The following UMAD1 variants were observed in gnomAD, a reference collection of about 807,000 sequenced individuals.
The protein encoded by UMAD1 is UBAP1-MVB12-associated (UMA)-domain containing protein 1.
UMAD1 carries 8 observed loss-of-function variants against 6.1 expected under a neutral mutation model. The observed-to-expected ratio is 1.30, with a 90% CI of 0.76 to 2.35. The LOEUF (loss-of-function observed/expected upper bound fraction) is 2.35. UMAD1 is among the 30% of genes most tolerant of loss of function. UMAD1 has a pLI of 0.00. For synonymous variants in UMAD1, 56 were observed against 31.4 expected (o/e 1.78, Z -2.61); for missense variants, 130 against 78.4 (o/e 1.66, Z -2.49).
At chr7:7,785,383 T>A (rs1782441071) in intron 2 of UMAD1, among the ~76,000 whole-genome samples, 1 of 152,112 alleles carries the variant, frequency 6.6e-6, no homozygotes, top group African/African-American at 2.4e-5. Context: ...GATTTGAGGA[T>A]CTGAAAGTTG....
At chr7:7,732,834 A>T (rs573408331) in intron 2 of UMAD1, among the ~76,000 whole-genome samples, 7 of 152,232 alleles carry the variant, frequency 4.6e-5, no homozygotes, top group African/African-American at 1.2e-4. Flanking sequence ...TGAATGTGTT[A>T]TATGGAAAAA....
At chr7:7,723,138 G>C (rs1781081202) in intron 2 of UMAD1, among the ~76,000 whole-genome samples, 1 of 152,172 alleles carries the variant, frequency 6.6e-6, no homozygotes, top group African/African-American at 2.4e-5. Context: ...CTAAAGTCCT[G>C]GTGGGCCCCT....
intron 2 of UMAD1, among the ~76,000 whole-genome samples, chr7:7,684,904 A>G (rs533107930): frequency 1.3e-5 from 2 of 152,272 alleles, no homozygotes; most frequent in East Asian, 3.9e-4. Flanking sequence ...ATTCCATACA[A>G]CATCTGTAGG....
chr7:7,828,482 A>G (rs1014723512), intron 3 of UMAD1, among the ~76,000 whole-genome samples: 2 of 152,218 alleles, frequency 1.3e-5, no homozygotes, highest in Non-Finnish European at 2.9e-5. Context: ...ATTGGGGAAT[A>G]CAGCTCTGAC....
intron 2 of UMAD1, among the ~76,000 whole-genome samples, chr7:7,795,772 A>G (rs1048173716): frequency 2.0e-5 from 3 of 152,162 alleles, no homozygotes; most frequent in African/African-American, 7.2e-5. Context: ...TTAGCAGGCC[A>G]ATACATTATA....
At chr7:7,783,753 A>G (rs17485599) in intron 2 of UMAD1, among the ~76,000 whole-genome samples, 11,924 of 152,330 alleles carry the variant, frequency 0.078, 649 homozygotes, top group Middle Eastern at 0.13. Flanking sequence ...CAGAATACTT[A>G]AAAACTAACA....
At chr7:7,815,498 A>G (rs1157059592) in intron 3 of UMAD1, among the ~76,000 whole-genome samples, 1 of 152,162 alleles carries the variant, frequency 6.6e-6, no homozygotes, top group Non-Finnish European at 1.5e-5. Context: ...TTCTCATGTG[A>G]CAAGAAGTCT....
intron 2 of UMAD1, among the ~76,000 whole-genome samples, chr7:7,738,082 A>G (rs1163158691): frequency 6.6e-6 from 1 of 150,800 alleles, no homozygotes; most frequent in Non-Finnish European, 1.5e-5. Context: ...ACTTTAATAC[A>G]TAAACGGGTA....
intron 2 of UMAD1, among the ~76,000 whole-genome samples, chr7:7,716,442 G>T (rs538256681): frequency 6.6e-6 from 1 of 152,348 alleles, no homozygotes; most frequent in Admixed American, 6.5e-5. Flanking sequence ...CAGCCTGAAA[G>T]ATCGAGCTGC....
chr7:7,833,730 C>T (rs1387042799), intron 3 of UMAD1, among the ~76,000 whole-genome samples: 1 of 152,164 alleles, frequency 6.6e-6, no homozygotes, highest in African/African-American at 2.4e-5. Context: ...AGAAAAACTA[C>T]ACATATATGC....
At chr7:7,808,162 C>T (rs1782955773) in intron 3 of UMAD1, among the ~76,000 whole-genome samples, 1 of 151,966 alleles carries the variant, frequency 6.6e-6, no homozygotes, top group Middle Eastern at 3.2e-3. Context: ...ACAATTCAAC[C>T]TAATTATCCA....
chr7:7,857,823 T>C (rs950599568), intron 3 of UMAD1, among the ~76,000 whole-genome samples: 6 of 152,224 alleles, frequency 3.9e-5, no homozygotes, highest in Non-Finnish European at 8.8e-5. Flanking sequence ...CCAGATTCCA[T>C]CTGCTTTGTT....
intron 1 of UMAD1, among the ~76,000 whole-genome samples, chr7:7,642,483 T>A (rs1186474023): frequency 3.1e-5 from 4 of 129,578 alleles, no homozygotes; most frequent in African/African-American, 5.8e-5. Flanking sequence ...TTTTTTTTTT[T>A]AAAGAGCACT....
rs147712809 is a variant in UMAD1, at chr7:7,787,992, C to T, written c.83-13678C>T. On this transcript the variant is annotated intron_variant, in intron 2 of 3. Coordinates refer to ENST00000682710, the MANE Select transcript of UMAD1 (RefSeq NM_001302348.2). ...AAATTTTTCTGAGACTATTGCCACC[C>T]TCTCTTGATCATACCATGTTTGCCG... Among the ~76,000 whole-genome samples, 181 of 152,324 alleles carry T rather than the reference C, an allele frequency of 1.2e-3. 2 individuals carry two copies. In the Middle Eastern group the frequency reaches 0.024, roughly 20 times the overall value.
intron 3 of UMAD1, among the ~76,000 whole-genome samples, chr7:7,871,819 A>G (rs764312878): frequency 4.7e-5 from 7 of 150,126 alleles, no homozygotes; most frequent in Non-Finnish European, 7.4e-5. Context: ...TCAAGGAATT[A>G]CGTTCTCACA....
intron 2 of UMAD1, among the ~76,000 whole-genome samples, chr7:7,790,331 C>A (rs1782545263): frequency 6.6e-6 from 1 of 152,200 alleles, no homozygotes; most frequent in African/African-American, 2.4e-5. Context: ...CGGATGAAAA[C>A]TCTGTTCCCT....
At chr7:7,784,058 T>A (rs1302846403) in intron 2 of UMAD1, among the ~76,000 whole-genome samples, 1 of 152,182 alleles carries the variant, frequency 6.6e-6, no homozygotes, top group Non-Finnish European at 1.5e-5. Flanking sequence ...AAGAAAATTT[T>A]GAGTGAATTG....
At chr7:7,671,623 T>G (rs1779607266) in intron 1 of UMAD1, among the ~76,000 whole-genome samples, 1 of 152,176 alleles carries the variant, frequency 6.6e-6, no homozygotes, top group Non-Finnish European at 1.5e-5. Flanking sequence ...GCAAACCAAT[T>G]CTTTTCTGAC....
chr7:7,804,813 C>T (rs1433033083), intron 3 of UMAD1, among the ~76,000 whole-genome samples: 4 of 151,920 alleles, frequency 2.6e-5, no homozygotes, highest in African/African-American at 9.7e-5. Context: ...AACCCTGTCT[C>T]TACTAAAAAT....
Sources: allele counts gnomAD v4.1 joint callset (sites outside exome capture counted in the v4.1 genomes callset), GRCh38; gene constraint gnomAD v4.1.1; transcripts MANE v1.5; gene names NCBI Gene and HGNC (gene_info 2026-07-23, HGNC 2026-07-21).